The following FAM193A variants were observed in gnomAD, a reference collection of about 807,000 sequenced individuals.
FAM193A encodes the protein family with sequence similarity 193 member A, also known as protein FAM193A.
A neutral mutation model predicts 126.5 loss-of-function variants in FAM193A; 22 were observed. The ratio of observed to expected loss-of-function variants is 0.17; its 90% CI spans 0.12 to 0.25. The LOEUF is 0.25. Among genes scored for constraint, FAM193A ranks in the 10% least tolerant of loss-of-function variants. The pLI is 1.00. For missense variants in FAM193A, 1,675 were observed against 1,672.8 expected, an observed-to-expected ratio of 1.00 and a Z score of -0.02; for synonymous variants, 761 against 646.8, an observed-to-expected ratio of 1.18 and a Z score of -2.68.
intron 2 of FAM193A, among the ~76,000 whole-genome samples, chr4:2,613,020 CT>C (rs920067519): frequency 2.0e-5 from 3 of 152,136 alleles, no homozygotes; most frequent in Non-Finnish European, 4.4e-5. Context: ...GAATTGAAAC[CT>C]TAACAATATT....
At chr4:2,537,497 G>A (rs1367354627) in intron 1 of FAM193A, among the ~76,000 whole-genome samples, 2 of 152,362 alleles carry the variant, frequency 1.3e-5, no homozygotes, top group East Asian at 1.9e-4. Flanking sequence ...GGACGTCTCC[G>A]GGGTGCAGCT....
intron 1 of FAM193A, among the ~76,000 whole-genome samples, chr4:2,557,916 C>T (rs1191112255): frequency 1.3e-5 from 2 of 151,568 alleles, no homozygotes; most frequent in African/African-American, 2.4e-5. Flanking sequence ...CGTGCCACTG[C>T]ACTCCAGCCT....
At chr4:2,712,239 T>C (rs1719058898) in intron 19 of FAM193A, among the ~76,000 whole-genome samples, 1 of 152,210 alleles carries the variant, frequency 6.6e-6, no homozygotes, top group African/African-American at 2.4e-5. Flanking sequence ...GAGATACATA[T>C]ATGTATACAC....
At position 2,732,092 on chromosome 4, in the gene FAM193A, C is replaced by T. The variant is rs1486321876; in HGVS notation, c.*224C>T. 12 of 564,666 alleles carry T rather than the reference C, an allele frequency of 2.1e-5. No individual in the cohort carries two copies. Among genetic ancestry groups the T allele is most frequent in the African/African-American group, 1.3e-4 (7 of 53,022 alleles). The allele number at this position is 564,666 out of a possible 1,614,324, so 35.0% of individuals were successfully genotyped here. On this transcript the variant is annotated 3_prime_UTR_variant, in exon 21 of 21. Coordinates refer to ENST00000637812, the MANE Select transcript of FAM193A (RefSeq NM_001366318.2). ...TCCTTCGATTGTAGCTCTGTGCTGT[C>T]GGATTGGAACAGTAGTTCCCGCCAA... is the stretch of plus-strand genomic sequence containing the variant.
chr4:2,664,343 A>T (rs1233932662), intron 12 of FAM193A, among the ~76,000 whole-genome samples: 1 of 152,078 alleles, frequency 6.6e-6, no homozygotes, highest in Non-Finnish European at 1.5e-5. Flanking sequence ...GAAGTACCCT[A>T]TTGAATTGCC....
intron 19 of FAM193A, among the ~76,000 whole-genome samples, chr4:2,710,851 C>CTTTTT (rs35045989): frequency 1.7e-5 from 2 of 116,292 alleles, no homozygotes; most frequent in South Asian, 2.9e-4. Context: ...TCTGTGCTTT[C>CTTTTT]TTTTTTTTTT....
intron 1 of FAM193A, among the ~76,000 whole-genome samples, chr4:2,584,990 A>ACTATAGTTTTGTACTATAGTTTTG (rs1386041895): frequency 1.3e-5 from 2 of 151,960 alleles, no homozygotes; most frequent in East Asian, 3.9e-4. Context: ...CTGTTTTTGT[A>ACTATAGTTTTGTACTATAGTTTTG]CCTTATATAA....
At chr4:2,647,815 C>T (rs1028152901) in intron 7 of FAM193A, among the ~76,000 whole-genome samples, 17 of 152,176 alleles carry the variant, frequency 1.1e-4, no homozygotes, top group African/African-American at 3.4e-4. Context: ...TTCTCTTTTG[C>T]ACTTCGGAGA....
intron 4 of FAM193A, 27 bp downstream of exon 4, chr4:2,626,604 C>T (rs1246800165): frequency 3.0e-6 from 2 of 677,944 alleles, no homozygotes; most frequent in Non-Finnish European, 2.7e-6. Flanking sequence ...CCTGTTGTGG[C>T]CCCATGCAAA....
Position 2,700,212 on chromosome 4 carries a change from G to T in FAM193A, c.4040G>T (p.Ser1347Ile), listed in dbSNP as rs759493565. 1.2e-6 allele frequency: 2 copies of T among 1,613,952 alleles called. No individual in the cohort carries two copies. Among genetic ancestry groups the T allele is most frequent in the Non-Finnish European group, 1.7e-6 (2 of 1,180,022 alleles). The change falls in exon 19 of 21, where the codon AGC becomes ATC. Residue 1347 changes from serine (S) to isoleucine (I), a missense_variant. Around this residue, in one of 4 missense-constraint regions of FAM193A, gnomAD observed 415 missense variants for 396.7 expected, o/e 1.05. Transcript: ENST00000637812. Reference sequence around the variant, plus strand: ...AAGCTGAGGCAGACCAGCAAGGCCAGCAGCGAGCCAGCGAGGAGGCCCACA... The same window carrying T: ...AAGCTGAGGCAGACCAGCAAGGCCATCAGCGAGCCAGCGAGGAGGCCCACA... ...KQKLRQTSKA[S>I]SEPARRPTEP...
chr4:2,605,915 G>A (rs1434619153), intron 2 of FAM193A, among the ~76,000 whole-genome samples: 1 of 119,272 alleles, frequency 8.4e-6, no homozygotes, highest in African/African-American at 3.1e-5. Flanking sequence ...AGGTTGCAGT[G>A]AGCTGAGATT....
intron 9 of FAM193A, 65 bp downstream of exon 9, chr4:2,659,735 C>G (rs1331426132): frequency 2.5e-6 from 4 of 1,612,986 alleles, no homozygotes; most frequent in Non-Finnish European, 3.4e-6. Flanking sequence ...GAGTGGAGGC[C>G]TAGAACCGAC....
At chr4:2,543,869 CAAAAAAAAAAAAAAAAA>C (rs71178473) in intron 1 of FAM193A, among the ~76,000 whole-genome samples, 2 of 71,738 alleles carry the variant, frequency 2.8e-5, no homozygotes, top group African/African-American at 5.7e-5. Context: ...GACATTGTCT[CAAAAAAAAAAAAAAAAA>C]AAAAAAAAAC....
intron 2 of FAM193A, among the ~76,000 whole-genome samples, chr4:2,617,037 A>G (rs1204262416): frequency 6.9e-6 from 1 of 145,072 alleles, no homozygotes; most frequent in East Asian, 2.1e-4. Flanking sequence ...GTGTGGTGGC[A>G]CATGCCTGTC....
intron 10 of FAM193A, among the ~76,000 whole-genome samples, chr4:2,661,261 A>T (rs1420919383): frequency 6.6e-6 from 1 of 152,230 alleles, no homozygotes; most frequent in Non-Finnish European, 1.5e-5. Context: ...CTATGATTTG[A>T]AAATCTCCAG....
At chr4:2,690,287 C>G (rs1716217760) in intron 14 of FAM193A, among the ~76,000 whole-genome samples, 1 of 152,200 alleles carries the variant, frequency 6.6e-6, no homozygotes. Flanking sequence ...GCCAGAGCTC[C>G]TGGCAGCCCC....
intron 4 of FAM193A, among the ~76,000 whole-genome samples, chr4:2,629,964 C>G (rs1303304486): frequency 6.6e-6 from 1 of 151,978 alleles, no homozygotes; most frequent in Non-Finnish European, 1.5e-5. Flanking sequence ...AACCCCGTCT[C>G]TACTAAAAAT....
chr4:2,588,452 T>G (rs1413831085), intron 1 of FAM193A, among the ~76,000 whole-genome samples: 1 of 152,188 alleles, frequency 6.6e-6, no homozygotes, highest in African/African-American at 2.4e-5. Context: ...TTTAGGTCAC[T>G]GGCTAGCCTC....
chr4:2,588,016 G>T (rs1191636076), intron 1 of FAM193A, among the ~76,000 whole-genome samples: 2 of 152,242 alleles, frequency 1.3e-5, no homozygotes, highest in Admixed American at 1.3e-4. Context: ...GCGCAGGTCT[G>T]CGGATGTGTG....
Sources: gnomAD v4.1 joint callset for allele counts (sites outside exome capture counted in the v4.1 genomes callset) on GRCh38, gnomAD v4.1.1 for gene constraint, gnomAD v4.1.1 regional missense constraint, MANE v1.5 for transcripts, NCBI Gene and HGNC (gene_info 2026-07-23, HGNC 2026-07-21) for gene names.